KLF12: variants seen among roughly 807,000 people sequenced by gnomAD.
The protein encoded by KLF12 is Krueppel-like factor 12.
In KLF12, 9 loss-of-function variants were observed where a neutral mutation model predicts 37.8. The ratio of observed to expected loss-of-function variants is 0.24; its 90% confidence interval spans 0.14 to 0.42. KLF12 has a LOEUF of 0.42. KLF12 is among the 10% of genes least tolerant of loss of function. The pLI is 1.00. For synonymous variants in KLF12, 208 were observed against 202.1 expected (o/e 1.03, Z -0.25); for missense variants, 411 against 516.0 (o/e 0.80, Z 1.97).
intron 5 of KLF12, among the ~76,000 whole-genome samples, chr13:73,786,142 T>C (rs1320325441): frequency 6.6e-6 from 1 of 152,118 alleles, no homozygotes; most frequent in East Asian, 1.9e-4. Flanking sequence ...GGGGAGAGAT[T>C]CTGGCATCCA....
intron 4 of KLF12, among the ~76,000 whole-genome samples, chr13:73,815,222 A>C (rs1478161616): frequency 6.6e-6 from 1 of 152,212 alleles, no homozygotes; most frequent in Non-Finnish European, 1.5e-5. Flanking sequence ...ATGTTGGAGA[A>C]ACTGTAGGGC....
At chr13:74,224,657 G>A in the KLF12 span, among the ~76,000 whole-genome samples, 3 of 152,052 alleles carry the variant, frequency 2.0e-5, no homozygotes, top group Non-Finnish European at 4.4e-5. Flanking sequence ...ATATGAAAAA[G>A]CTCTCTAACA....
intron 3 of KLF12, among the ~76,000 whole-genome samples, chr13:73,911,821 A>G (rs918663894): frequency 7.2e-5 from 11 of 152,356 alleles, no homozygotes; most frequent in Admixed American, 5.9e-4. Context: ...TTGTGCCTTC[A>G]TTCTACGTCT....
intron 2 of KLF12, among the ~76,000 whole-genome samples, chr13:73,954,257 C>T (rs1253122862): frequency 2.6e-5 from 4 of 151,982 alleles, no homozygotes; most frequent in East Asian, 1.9e-4. Flanking sequence ...GGATTACAGA[C>T]GAAACCCACC....
intron 2 of KLF12, among the ~76,000 whole-genome samples, chr13:73,958,507 T>G (rs1471164320): frequency 6.6e-6 from 1 of 152,200 alleles, no homozygotes; most frequent in Middle Eastern, 3.2e-3. Flanking sequence ...CCTCCCAAAG[T>G]GCTGGAATTA....
At chr13:74,097,825 G>A (rs1229230952) in intron 1 of KLF12, among the ~76,000 whole-genome samples, 1 of 151,394 alleles carries the variant, frequency 6.6e-6, no homozygotes, top group Non-Finnish European at 1.5e-5. Flanking sequence ...CCACACTTCA[G>A]ACCCCAACTC....
chr13:73,821,939 A>G (rs1883549278), intron 4 of KLF12, among the ~76,000 whole-genome samples: 1 of 152,094 alleles, frequency 6.6e-6, no homozygotes, highest in Non-Finnish European at 1.5e-5. Context: ...TTTTCATGGC[A>G]TTTTTGCACT....
At chr13:73,926,414 T>C (rs1022920950) in intron 3 of KLF12, among the ~76,000 whole-genome samples, 1 of 152,216 alleles carries the variant, frequency 6.6e-6, no homozygotes. Flanking sequence ...TTAAGGTATA[T>C]ACATTGTTTT....
At chr13:73,919,946 T>C (rs748161668) in intron 3 of KLF12, among the ~76,000 whole-genome samples, 3 of 152,148 alleles carry the variant, frequency 2.0e-5, no homozygotes, top group Non-Finnish European at 4.4e-5. Flanking sequence ...TCTCAACTTA[T>C]AGAAAGGAAG....
chr13:73,765,304 C>CA (rs1471524622), intron 5 of KLF12, among the ~76,000 whole-genome samples: 1 of 152,074 alleles, frequency 6.6e-6, no homozygotes, highest in East Asian at 1.9e-4. Flanking sequence ...TAACCCTTGC[C>CA]AGGTACAAGG....
At chr13:74,188,050 G>A in the KLF12 span, among the ~76,000 whole-genome samples, 229 of 152,228 alleles carry the variant, frequency 1.5e-3, no homozygotes, top group South Asian at 2.5e-3. Context: ...TGTAGAACAT[G>A]CTTATTATAA....
intron 3 of KLF12, among the ~76,000 whole-genome samples, chr13:73,866,828 T>C (rs1261134353): frequency 2.0e-5 from 3 of 149,156 alleles, no homozygotes; most frequent in African/African-American, 7.5e-5. Context: ...CTTGCTAGGC[T>C]AATAATATAC....
At chr13:74,138,531 T>C (rs1244486683), upstream of KLF12, among the ~76,000 whole-genome samples, 5 of 152,232 alleles carry the variant, frequency 3.3e-5, no homozygotes, top group Admixed American at 6.5e-5. Flanking sequence ...CAACATGTTT[T>C]GATTTGGGGG....
intron 3 of KLF12, among the ~76,000 whole-genome samples, chr13:73,849,330 G>C (rs1313411998): frequency 7.4e-6 from 1 of 135,312 alleles, no homozygotes; most frequent in African/African-American, 2.9e-5. Context: ...AGTGAGCCAA[G>C]ATCATGCCAC....
chr13:74,211,424 A>G, the KLF12 span, among the ~76,000 whole-genome samples: 2 of 152,178 alleles, frequency 1.3e-5, no homozygotes, highest in South Asian at 2.1e-4. Flanking sequence ...ATGGTTGGAT[A>G]GGATGTTGAA....
intron 1 of KLF12, among the ~76,000 whole-genome samples, chr13:74,066,227 G>A (rs780480329): frequency 2.6e-5 from 4 of 152,122 alleles, no homozygotes; most frequent in Admixed American, 6.5e-5. Context: ...TCAAAAAGTC[G>A]ACTGAAGCAG....
At chr13:73,835,491 A>C (rs1389197932) in intron 4 of KLF12, among the ~76,000 whole-genome samples, 2 of 152,110 alleles carry the variant, frequency 1.3e-5, no homozygotes, top group African/African-American at 4.8e-5. Context: ...AGAGAAAAAC[A>C]ACTGAGAAAA....
At chr13:74,266,176 A>C in the KLF12 span, among the ~76,000 whole-genome samples, 9 of 152,208 alleles carry the variant, frequency 5.9e-5, no homozygotes, top group African/African-American at 1.4e-4. Flanking sequence ...ATGAAGCTTG[A>C]AGAGTTTGTA....
the KLF12 span, among the ~76,000 whole-genome samples, chr13:74,275,791 TTTCTTTCTTTCTTTCC>T: frequency 2.3e-3 from 208 of 88,912 alleles, 1 homozygote; most frequent in African/African-American, 9.4e-3. Context: ...TCTTTCTTTC[TTTCTTTCTTTCTTTCC>T]TTCTTTCTTT....
Sources: gnomAD v4.1 joint callset for allele counts (sites outside exome capture counted in the v4.1 genomes callset) on GRCh38, gnomAD v4.1.1 for gene constraint, MANE v1.5 for transcripts, NCBI Gene and HGNC (gene_info 2026-07-23, HGNC 2026-07-21) for gene names.